CDC14B: variants seen among roughly 807,000 people sequenced by gnomAD.
CDC14B encodes the protein dual specificity protein phosphatase CDC14B.
In CDC14B, 22 loss-of-function variants were observed where a neutral mutation model predicts 64.2. The observed-to-expected ratio is 0.34, with a 90% CI of 0.24 to 0.49. CDC14B has a LOEUF of 0.49. Ranked by LOEUF, CDC14B falls within the 20% of genes least tolerant of loss-of-function variation. The probability of loss-of-function intolerance (pLI) is 0.99; values close to 1 mark genes in which losing one functional copy is unlikely to be tolerated. For synonymous variants in CDC14B, 191 were observed against 215.8 expected, an observed-to-expected ratio of 0.89 and a Z score of 1.01; for missense variants, 498 against 629.9, an observed-to-expected ratio of 0.79 and a Z score of 2.24.
intron 5 of CDC14B, among the ~76,000 whole-genome samples, chr9:96,549,289 T>C (rs1841447983): frequency 6.6e-6 from 1 of 152,210 alleles, no homozygotes; most frequent in East Asian, 1.9e-4. Context: ...AGACATAAAA[T>C]TGCTCTATTC....
Position 96,509,710 on chromosome 9 carries a change from T to C in CDC14B, c.1423A>G (p.Thr475Ala). ...ISGSAGITKR[T>A]TRSASRKSSV... ...CTTTTCCTTGAAGCAGATCTGGTGG[T>C]TCTTTTAGTAATGCCTGCACTGCCA... Residue 475 changes from threonine (T) to alanine (A), a missense_variant, in exon 13 of 14, where the codon ACC becomes GCC. Transcript: ENST00000375241. The C allele has an allele frequency of 6.2e-7, 1 of 1,612,380 alleles. No individual in the cohort carries two copies. The highest frequency in any genetic ancestry group is 8.5e-7 in the Non-Finnish European group (1 of 1,178,462).
chr9:96,602,221 T>C (rs1846528548), intron 1 of CDC14B, among the ~76,000 whole-genome samples: 1 of 152,188 alleles, frequency 6.6e-6, no homozygotes, highest in African/African-American at 2.4e-5. Context: ...ATTCCAGACC[T>C]TCCACAGCTC....
intron 8 of CDC14B, 108 bp downstream of exon 8, chr9:96,534,347 T>C (rs539997495): frequency 7.0e-6 from 6 of 853,860 alleles, no homozygotes; most frequent in Non-Finnish European, 1.1e-5. Context: ...CCAAGTATGC[T>C]TAAATAATAA....
chr9:96,550,862 C>T (rs1841700880), intron 5 of CDC14B, among the ~76,000 whole-genome samples: 1 of 152,176 alleles, frequency 6.6e-6, no homozygotes, highest in Non-Finnish European at 1.5e-5. Flanking sequence ...CTGTAGACAT[C>T]ACTAACTACC....
intron 5 of CDC14B, among the ~76,000 whole-genome samples, chr9:96,547,050 A>C (rs1020664809): frequency 1.3e-5 from 2 of 151,890 alleles, no homozygotes; most frequent in African/African-American, 4.8e-5. Context: ...CGACAGAGCA[A>C]GACTCCGACT....
At chr9:96,570,473 G>A (rs905512206) in intron 1 of CDC14B, among the ~76,000 whole-genome samples, 6 of 152,130 alleles carry the variant, frequency 3.9e-5, no homozygotes, top group African/African-American at 1.4e-4. Context: ...GTCAACCTCT[G>A]CTGAGTTCAC....
chr9:96,554,704 A>G (rs1037799705), intron 4 of CDC14B, among the ~76,000 whole-genome samples: 5 of 152,212 alleles, frequency 3.3e-5, no homozygotes, highest in African/African-American at 1.2e-4. Context: ...ATCCACTTAT[A>G]TAACTATCAA....
rs1564181192 is a variant in CDC14B, at chr9:96,500,795, C to T, written c.*2958G>A. The T allele has an allele frequency of 1.3e-5, 2 of 152,124 alleles. No individual in the cohort carries two copies. 9.4% of individuals were successfully genotyped at this position (152,124 alleles called of 1,614,324 possible). A position where few individuals can be genotyped will look rare whatever the true frequency, so the allele number is the denominator to read the frequency against. ...GTTAAGAACAGACATCCAATGAGTG[C>T]ACTGCTTCTGTGGCTCCAAAGGTGA... On this transcript the variant is annotated 3_prime_UTR_variant, in exon 14 of 14. Coordinates refer to ENST00000375241, the MANE Select transcript of CDC14B (RefSeq NM_033331.4).
intron 13 of CDC14B, among the ~76,000 whole-genome samples, chr9:96,505,272 C>G (rs939076107): frequency 2.0e-5 from 3 of 152,028 alleles, no homozygotes; most frequent in African/African-American, 7.2e-5. Context: ...ACAAAGCACT[C>G]CAGAGCCCCG....
chr9:96,579,859 G>C (rs1173558292), intron 1 of CDC14B, among the ~76,000 whole-genome samples: 1 of 152,176 alleles, frequency 6.6e-6, no homozygotes, highest in African/African-American at 2.4e-5. Flanking sequence ...CTAGAGAAAA[G>C]TGAAACTGTG....
chr9:96,496,377 T>C (rs747968035), downstream of CDC14B: 3 of 502,294 alleles, frequency 6.0e-6, no homozygotes, highest in African/African-American at 5.9e-5. Context: ...AGGGAGGAGA[T>C]GGACAGCGCT....
intron 5 of CDC14B, among the ~76,000 whole-genome samples, chr9:96,547,901 A>G (rs1339060468): frequency 2.0e-5 from 3 of 151,844 alleles, no homozygotes; most frequent in Admixed American, 6.6e-5. Context: ...TCTCAGCTCA[A>G]TGCAAGCTCT....
intron 1 of CDC14B, among the ~76,000 whole-genome samples, chr9:96,601,242 T>C (rs1459780415): frequency 2.0e-5 from 3 of 152,192 alleles, no homozygotes; most frequent in African/African-American, 7.2e-5. Flanking sequence ...CTCACACCTG[T>C]AATCCCAGCA....
intron 1 of CDC14B, among the ~76,000 whole-genome samples, chr9:96,580,057 G>A (rs1355157355): frequency 2.0e-5 from 3 of 151,664 alleles, no homozygotes; most frequent in African/African-American, 7.3e-5. Flanking sequence ...ATATTAAAAA[G>A]GCAAACCAGA....
chr9:96,560,588 T>C, intron 4 of CDC14B, among the ~76,000 whole-genome samples: 1 of 147,506 alleles, frequency 6.8e-6, no homozygotes, highest in Non-Finnish European at 1.5e-5. Context: ...CTTTCTCTTT[T>C]TTTTTTTTTT....
intron 1 of CDC14B, among the ~76,000 whole-genome samples, chr9:96,605,014 T>C (rs1846788508): frequency 6.6e-6 from 1 of 152,112 alleles, no homozygotes; most frequent in Non-Finnish European, 1.5e-5. Flanking sequence ...ACCTTTCCAC[T>C]GCTTCTAACA....
chr9:96,539,038 G>A, intron 7 of CDC14B, 40 bp downstream of exon 7: 10 of 1,286,022 alleles, frequency 7.8e-6, no homozygotes, highest in Non-Finnish European at 1.1e-5. Flanking sequence ...AAGCTGGGCG[G>A]GGGGAGGAAG....
intron 12 of CDC14B, among the ~76,000 whole-genome samples, chr9:96,510,573 A>G (rs1564200616): frequency 1.3e-5 from 2 of 151,976 alleles, no homozygotes; most frequent in African/African-American, 4.8e-5. Context: ...TATAGGGAAA[A>G]CAGCAGAAGA....
intron 1 of CDC14B, among the ~76,000 whole-genome samples, chr9:96,600,262 T>G (rs1179239481): frequency 6.6e-6 from 1 of 150,596 alleles, no homozygotes; most frequent in Non-Finnish European, 1.5e-5. Flanking sequence ...ATATATTTTA[T>G]GCAAATACAT....
Sources: gnomAD v4.1 joint callset for allele counts (sites outside exome capture counted in the v4.1 genomes callset) on GRCh38, gnomAD v4.1.1 for gene constraint, MANE v1.5 for transcripts, NCBI Gene and HGNC (gene_info 2026-07-23, HGNC 2026-07-21) for gene names.